The following PRDM16 variants were observed in gnomAD, a reference collection of about 807,000 sequenced individuals.
PRDM16 encodes the protein histone-lysine N-methyltransferase PRDM16.
In PRDM16, 23 loss-of-function variants were observed where a neutral mutation model predicts 110.6. That is an observed-to-expected ratio of 0.21 (90% confidence interval 0.15 to 0.29). The LOEUF (loss-of-function observed/expected upper bound fraction) is 0.29, where lower values mean the gene tolerates loss of function less well. Among genes scored for constraint, PRDM16 ranks in the 10% least tolerant of loss-of-function variants. The probability of loss-of-function intolerance (pLI) is 1.00; values close to 1 mark genes in which losing one functional copy is unlikely to be tolerated. For synonymous variants in PRDM16, 799 were observed against 781.8 expected, an observed-to-expected ratio of 1.02 and a Z score of -0.37; for missense variants, 1,615 against 1,794.3, an observed-to-expected ratio of 0.90 and a Z score of 1.81.
intron 1 of PRDM16, among the ~76,000 whole-genome samples, chr1:3,071,994 A>C (rs1641775484): frequency 6.6e-6 from 1 of 152,210 alleles, no homozygotes; most frequent in South Asian, 2.1e-4. Context: ...CCGGGCTTCC[A>C]GCTGAGCTTT....
At chr1:3,320,262 T>C (rs1439606261) in intron 3 of PRDM16, among the ~76,000 whole-genome samples, 1 of 152,234 alleles carries the variant, frequency 6.6e-6, no homozygotes, top group African/African-American at 2.4e-5. Context: ...TACAGGTTCC[T>C]AGGAATTTCA....
chr1:3,427,235 A>G (rs573890462), intron 14 of PRDM16, among the ~76,000 whole-genome samples: 2 of 152,336 alleles, frequency 1.3e-5, no homozygotes, highest in South Asian at 2.1e-4. Flanking sequence ...CAGACACCCC[A>G]GCGGGGCTGC....
rs1379883358 is a variant in PRDM16, at chr1:3,190,682, C to T, written c.387+4208C>T. Among the ~76,000 whole-genome samples, 3 of 152,170 alleles carry T rather than the reference C, an allele frequency of 2.0e-5. No homozygotes were observed. The highest frequency in any genetic ancestry group is 6.5e-5 in the Admixed American group (1 of 15,274). On this transcript the variant is annotated intron_variant, in intron 2 of 16. Transcript: ENST00000270722. This position sits in a 1 kb window ranked among gnomAD's most constrained non-coding sequence, Gnocchi z 5.0. Reference sequence around the variant, plus strand: ...CTGGCCTCCTCCATCTGGACACAGCCGGGCTCAGTCTCTTCCCAAATACCA... The same window carrying T: ...CTGGCCTCCTCCATCTGGACACAGCTGGGCTCAGTCTCTTCCCAAATACCA...
intron 1 of PRDM16, among the ~76,000 whole-genome samples, chr1:3,084,519 A>C (rs559971620): frequency 6.6e-6 from 1 of 152,258 alleles, no homozygotes; most frequent in East Asian, 1.9e-4. Flanking sequence ...TTGAGCTTGC[A>C]TGGGCCCCCG....
intron 3 of PRDM16, among the ~76,000 whole-genome samples, chr1:3,381,193 C>G (rs1471953184): frequency 6.6e-6 from 1 of 152,184 alleles, no homozygotes; most frequent in African/African-American, 2.4e-5. Flanking sequence ...CAGGTGCACC[C>G]ACACACATGC....
intron 1 of PRDM16, among the ~76,000 whole-genome samples, chr1:3,082,356 G>T (rs2993489): frequency 0.011 from 1,706 of 152,330 alleles, 27 homozygotes; most frequent in African/African-American, 0.039. Context: ...CAATGTCAGA[G>T]GGGTAACGGC....
In PRDM16 at chr1:3,245,175, C is replaced by T. The variant is rs534645833; in HGVS notation, c.438+1038C>T. Among the ~76,000 whole-genome samples, 29 of 152,240 alleles carry T rather than the reference C, an allele frequency of 1.9e-4. No homozygotes were observed. The highest frequency in any genetic ancestry group is 7.0e-4 in the African/African-American group (29 of 41,536). On this transcript the variant is annotated intron_variant, in intron 3 of 16. Transcript: ENST00000270722. The surrounding 1 kb of genome is among the most constrained non-coding windows in gnomAD (Gnocchi z 4.7). The stretch of plus-strand genomic sequence containing the variant: ...TTCTGTCAGAATTACAACTGGATTC[C>T]GTGACGCAGCATATGGGCTTGAGGG...
At chr1:3,267,380 C>T (rs78400069) in intron 3 of PRDM16, among the ~76,000 whole-genome samples, 4,264 of 152,270 alleles carry the variant, frequency 0.028, 204 homozygotes, top group East Asian at 0.19. Context: ...TATTCCCCTG[C>T]GTGGAGGGGC....
At chr1:3,167,800 GC>G (rs1308999580) in intron 1 of PRDM16, among the ~76,000 whole-genome samples, 68 of 14,890 alleles carry the variant, frequency 4.6e-3, no homozygotes, top group Non-Finnish European at 5.5e-3. Context: ...CTGTGACATT[GC>G]CCCCCTGCTC....
In PRDM16 at chr1:3,148,203, T is replaced by G. The variant is rs1450655906; in HGVS notation, c.38-37922T>G. Among the ~76,000 whole-genome samples the G allele has an allele frequency of 6.6e-6, 1 of 151,844 alleles. No homozygotes were observed. The highest frequency in any genetic ancestry group is 2.4e-5 in the African/African-American group (1 of 41,296). The stretch of plus-strand genomic sequence containing the variant: ...CCCCCGGATGAGTGAAGAAGCTGGG[T>G]GCAATCTCATGCCCTGGGTGCAATC... On this transcript the variant is annotated intron_variant, in intron 1 of 16. Coordinates refer to ENST00000270722, the MANE Select transcript of PRDM16 (RefSeq NM_022114.4). The surrounding 1 kb of genome is among the most constrained non-coding windows in gnomAD (Gnocchi z 5.0).
chr1:3,139,445 G>C (rs1304258371), intron 1 of PRDM16, among the ~76,000 whole-genome samples: 6 of 152,250 alleles, frequency 3.9e-5, no homozygotes, highest in African/African-American at 1.4e-4. Flanking sequence ...TGTGGGTGCT[G>C]AGCACCCTTG....
chr1:3,155,641 G>A (rs1026784321), intron 1 of PRDM16, among the ~76,000 whole-genome samples: 2 of 152,238 alleles, frequency 1.3e-5, no homozygotes, highest in East Asian at 1.9e-4. Flanking sequence ...CGCCTTCCCC[G>A]CTCCTGAAAA....
At chr1:3,162,737 GTCC>G (rs1442212852) in intron 1 of PRDM16, among the ~76,000 whole-genome samples, 3 of 152,240 alleles carry the variant, frequency 2.0e-5, no homozygotes, top group Non-Finnish European at 1.5e-5. Context: ...TCACCCTCCA[GTCC>G]TCCTGTGTGG....
chr1:3,126,342 A>C (rs990973562), intron 1 of PRDM16, among the ~76,000 whole-genome samples: 37 of 152,044 alleles, frequency 2.4e-4, no homozygotes, highest in Non-Finnish European at 1.5e-5. Flanking sequence ...CCTCCTCCCC[A>C]GGTCTCTCCC....
At chr1:3,413,548 C>A (rs1643730722) in intron 9 of PRDM16, among the ~76,000 whole-genome samples, 2 of 152,146 alleles carry the variant, frequency 1.3e-5, no homozygotes, top group South Asian at 2.1e-4. Flanking sequence ...CTACCCCCAC[C>A]AGCACCTGTC....
In PRDM16 at chr1:3,425,544, CG is replaced by C. The variant is rs1354106834; in HGVS notation, c.2940-33del. On this transcript the variant is annotated intron_variant, in intron 12 of 16. Coordinates refer to ENST00000270722, the MANE Select transcript of PRDM16 (RefSeq NM_022114.4). This position sits in a 1 kb window ranked among gnomAD's most constrained non-coding sequence, Gnocchi z 6.9. ...TGTGGCCCGGCCTGCCATGCAGAGC[CG>C]GGGCCTGCACTGAGGAGCGCGTGTG... 1 of 1,601,224 alleles carries C rather than the reference CG, an allele frequency of 6.2e-7. No individual in the cohort carries two copies. Among genetic ancestry groups the C allele is most frequent in the African/African-American group, 1.3e-5 (1 of 74,558 alleles).
intron 8 of PRDM16, 148 bp downstream of exon 8, chr1:3,405,796 T>C: frequency 1.3e-6 from 1 of 764,204 alleles, no homozygotes; most frequent in Non-Finnish European, 2.0e-6. Context: ...CTGACATCTC[T>C]GCCGCGTGCA....
intron 16 of PRDM16, among the ~76,000 whole-genome samples, 160 bp from the exon 17 acceptor site, chr1:3,433,514 GCGC>G (rs1557674906): frequency 4.2e-5 from 6 of 141,612 alleles, no homozygotes; most frequent in African/African-American, 1.3e-4. Context: ...CCCTGCCCAC[GCGC>G]TCACCTGCCT....
intron 2 of PRDM16, among the ~76,000 whole-genome samples, chr1:3,224,075 G>A (rs925138624): frequency 2.6e-5 from 4 of 152,144 alleles, no homozygotes; most frequent in South Asian, 2.1e-4. Context: ...TACATCAGCC[G>A]GCTCTGCCCC....
Sources: allele counts gnomAD v4.1 joint callset (sites outside exome capture counted in the v4.1 genomes callset), GRCh38; gene constraint gnomAD v4.1.1; non-coding constraint Gnocchi (gnomAD v3.1); transcripts MANE v1.5; gene names NCBI Gene and HGNC (gene_info 2026-07-23, HGNC 2026-07-21).